CREB3L2: variants seen among roughly 807,000 people sequenced by gnomAD.
The protein encoded by CREB3L2 is cAMP responsive element binding protein 3 like 2.
Under a neutral mutation model 57.2 loss-of-function variants are expected in CREB3L2, and 23 were observed. The observed-to-expected ratio is 0.40, with a 90% confidence interval of 0.29 to 0.57. CREB3L2 has a LOEUF of 0.57. Among genes scored for constraint, CREB3L2 ranks in the 20% least tolerant of loss-of-function variants. CREB3L2 has a pLI of 0.42. For synonymous variants in CREB3L2, 268 were observed against 265.1 expected (o/e 1.01, Z -0.11); for missense variants, 628 against 634.7 (o/e 0.99, Z 0.11).
At position 137,879,549 on chromosome 7, in the gene CREB3L2, T is replaced by C. The variant is rs1236320691; in HGVS notation, c.*927A>G. 2 of 240,696 alleles carry C rather than the reference T, an allele frequency of 8.3e-6. No individual in the cohort carries two copies. The highest frequency in any genetic ancestry group is 4.4e-5 in the African/African-American group (2 of 45,252). 14.9% of individuals were successfully genotyped at this position (240,696 alleles called of 1,614,324 possible). A position where few individuals can be genotyped will look rare whatever the true frequency, so the allele number is the denominator to read the frequency against. ...ACATACATGCTCAAAGGAACTTCTTTTTCAATGGTAATTATTCCAGTTAAA... is the reference window on the plus strand; with the variant it reads ...ACATACATGCTCAAAGGAACTTCTTCTTCAATGGTAATTATTCCAGTTAAA... On this transcript the variant is annotated 3_prime_UTR_variant, in exon 12 of 12. Transcript: ENST00000330387.
chr7:137,939,324 G>A (rs1800843712), intron 1 of CREB3L2, among the ~76,000 whole-genome samples: 1 of 152,060 alleles, frequency 6.6e-6, no homozygotes, highest in Admixed American at 6.5e-5. Context: ...CCCTTCCCAG[G>A]CACGTTCGGC....
intron 6 of CREB3L2, among the ~76,000 whole-genome samples, chr7:137,904,445 C>T (rs1322816201): frequency 1.3e-5 from 2 of 152,168 alleles, no homozygotes; most frequent in Non-Finnish European, 2.9e-5. Context: ...GCGGGTAGAT[C>T]ACCTGAGGTC....
chr7:137,882,364 C>G (rs765646277), intron 11 of CREB3L2, 48 bp downstream of exon 11: 1 of 1,444,640 alleles, frequency 6.9e-7, no homozygotes, highest in Non-Finnish European at 9.6e-7. Context: ...GACTCATAAC[C>G]CACCATCAGT....
At chr7:137,884,845 A>G (rs780999757) in intron 10 of CREB3L2, 150 bp downstream of exon 10, 3 of 1,090,328 alleles carry the variant, frequency 2.8e-6, no homozygotes, top group Admixed American at 3.5e-5. Context: ...CCCCAGGGGA[A>G]CCCCCACTTG....
intron 1 of CREB3L2, among the ~76,000 whole-genome samples, chr7:137,985,335 G>A (rs1243173265): frequency 6.6e-6 from 1 of 152,222 alleles, no homozygotes; most frequent in East Asian, 1.9e-4. Flanking sequence ...CTTGGGAACA[G>A]CCAAGGCTAG....
intron 9 of CREB3L2, 129 bp from the exon 10 acceptor site, chr7:137,885,250 C>A: frequency 8.3e-7 from 1 of 1,211,248 alleles, no homozygotes; most frequent in Non-Finnish European, 1.2e-6. Context: ...CCAGTCACAT[C>A]ACCAGAGTGC....
At chr7:137,919,275 G>A (rs1389683138) in intron 2 of CREB3L2, among the ~76,000 whole-genome samples, 5 of 151,684 alleles carry the variant, frequency 3.3e-5, no homozygotes, top group African/African-American at 7.3e-5. Context: ...GGGTTCAAGC[G>A]ATTCTCCTGC....
intron 8 of CREB3L2, among the ~76,000 whole-genome samples, chr7:137,895,845 C>T (rs1432556914): frequency 6.6e-6 from 1 of 152,220 alleles, no homozygotes; most frequent in Non-Finnish European, 1.5e-5. Context: ...CAATGGCCCC[C>T]AAGGCCTCTC....
At position 137,913,212 on chromosome 7, in the gene CREB3L2, C is replaced by T. The variant is rs1035564164; in HGVS notation, c.496-134G>A. On this transcript the variant is annotated intron_variant, in intron 3 of 11. Transcript: ENST00000330387. ...ATCCTGGAGAATAGCTGAGTGTAGG[C>T]AACTTCCCTGACAGGGAGTCATTTT... 4.8e-6 allele frequency: 4 copies of T among 834,432 alleles called. No individual in the cohort carries two copies. In the Admixed American group the frequency reaches 8.8e-5, roughly 18 times the overall value. 51.7% of individuals were successfully genotyped at this position (834,432 alleles called of 1,614,324 possible).
chr7:137,951,049 T>A (rs529056909), intron 1 of CREB3L2, among the ~76,000 whole-genome samples: 2 of 152,214 alleles, frequency 1.3e-5, no homozygotes, highest in African/African-American at 2.4e-5. Context: ...AAAATTTGAG[T>A]CACTGACATG....
rs546852503 is a variant in CREB3L2 at position 137,997,485 on chromosome 7, C to T, written c.102+4119G>A. ...CCTGTAATCCCAGCACTTTGGGAGG[C>T]CAAGGCAAGAGGGTCCCTTAAACCC... On this transcript the variant is annotated intron_variant, in intron 1 of 11. Transcript: ENST00000330387. 2.2e-4 allele frequency among the ~76,000 whole-genome samples: 34 copies of T among 152,230 alleles called. No individual in the cohort carries two copies. In the South Asian group the frequency reaches 2.7e-3, roughly 12 times the overall value.
intron 2 of CREB3L2, among the ~76,000 whole-genome samples, chr7:137,918,463 G>A (rs1800198354): frequency 6.6e-6 from 1 of 152,120 alleles, no homozygotes. Context: ...TTACAGGTGT[G>A]AGCCACCGTG....
At chr7:137,940,133 G>A (rs1432399393) in intron 1 of CREB3L2, among the ~76,000 whole-genome samples, 1 of 152,138 alleles carries the variant, frequency 6.6e-6, no homozygotes, top group Non-Finnish European at 1.5e-5. Flanking sequence ...TCAGACTGCT[G>A]TAATGAGGTC....
chr7:137,940,974 G>C (rs1800872043), intron 1 of CREB3L2, among the ~76,000 whole-genome samples: 1 of 152,246 alleles, frequency 6.6e-6, no homozygotes, highest in East Asian at 1.9e-4. Context: ...CCGCAGGTCA[G>C]CAAATGGGAG....
At chr7:137,900,288 C>T (rs1799723270) in intron 8 of CREB3L2, among the ~76,000 whole-genome samples, 1 of 152,154 alleles carries the variant, frequency 6.6e-6, no homozygotes, top group Non-Finnish European at 1.5e-5. Flanking sequence ...ATCACCTAGA[C>T]TTTCCGAGTT....
At chr7:137,938,595 C>T (rs143430817) in intron 1 of CREB3L2, among the ~76,000 whole-genome samples, 4,422 of 152,202 alleles carry the variant, frequency 0.029, 230 homozygotes, top group African/African-American at 0.099. Context: ...CCACCCGCCT[C>T]GGCTTCCCAA....
intron 8 of CREB3L2, among the ~76,000 whole-genome samples, chr7:137,898,210 T>C (rs1799666595): frequency 6.6e-6 from 1 of 152,210 alleles, no homozygotes; most frequent in East Asian, 1.9e-4. Context: ...CCCTACATGA[T>C]ATCACTTCAC....
intron 6 of CREB3L2, 144 bp from the exon 7 acceptor site, chr7:137,904,161 T>C: frequency 4.3e-6 from 3 of 693,302 alleles, no homozygotes; most frequent in Non-Finnish European, 7.6e-6. Context: ...TGCTGGTTCA[T>C]TGACTAGTCT....
At chr7:137,891,527 A>AT (rs1197488187) in intron 8 of CREB3L2, among the ~76,000 whole-genome samples, 11 of 151,930 alleles carry the variant, frequency 7.2e-5, no homozygotes, top group Admixed American at 7.2e-4. Context: ...GTGGTTCCCA[A>AT]TTATTTGCTG....
Sources: gnomAD v4.1 joint callset for allele counts (sites outside exome capture counted in the v4.1 genomes callset) on GRCh38, gnomAD v4.1.1 for gene constraint, MANE v1.5 for transcripts, NCBI Gene and HGNC (gene_info 2026-07-23, HGNC 2026-07-21) for gene names.